CLASP1: variants seen among roughly 807,000 people sequenced by gnomAD.
CLASP1 encodes cytoplasmic linker associated protein 1.
A neutral mutation model predicts 192.3 loss-of-function variants in CLASP1; 38 were observed. The observed-to-expected ratio is 0.20, with a 90% CI of 0.15 to 0.26. The LOEUF is 0.26. CLASP1 is among the 10% of genes least tolerant of loss of function. The pLI is 1.00. For missense variants in CLASP1, 1,433 were observed against 1,932.5 expected (o/e 0.74, Z 4.85); for synonymous variants, 691 against 712.8 (o/e 0.97, Z 0.49).
At chr2:121,426,290 G>A (rs1356012172) in intron 21 of CLASP1, among the ~76,000 whole-genome samples, 1 of 151,930 alleles carries the variant, frequency 6.6e-6, no homozygotes, top group Admixed American at 6.6e-5. Context: ...GACAAAGAAG[G>A]ATATTTAATA....
intron 2 of CLASP1, among the ~76,000 whole-genome samples, chr2:121,591,541 A>G (rs543589687): frequency 9.2e-5 from 14 of 152,264 alleles, no homozygotes; most frequent in African/African-American, 3.4e-4. Context: ...AATCAGTACT[A>G]AATTCCTATA....
chr2:121,482,292 A>C (rs2092655538), intron 8 of CLASP1, among the ~76,000 whole-genome samples: 1 of 151,704 alleles, frequency 6.6e-6, no homozygotes, highest in Non-Finnish European at 1.5e-5. Flanking sequence ...GTGCCCCACT[A>C]CTCTGCGAGT....
intron 39 of CLASP1, among the ~76,000 whole-genome samples, chr2:121,346,642 T>G (rs1211644441): frequency 2.0e-5 from 3 of 152,216 alleles, no homozygotes. Flanking sequence ...AGGCTCAAGG[T>G]GAGAGCCAGC....
chr2:121,427,106 T>C (rs886301254), intron 21 of CLASP1, among the ~76,000 whole-genome samples: 3 of 152,054 alleles, frequency 2.0e-5, no homozygotes, highest in African/African-American at 7.2e-5. Context: ...CAAAAATTAA[T>C]AGTTTATAAT....
chr2:121,430,218 G>T, intron 19 of CLASP1, 41 bp from the exon 20 acceptor site: 3 of 1,437,568 alleles, frequency 2.1e-6, no homozygotes, highest in Non-Finnish European at 2.9e-6. Context: ...AACATTTCCA[G>T]TAAGTGCCAC....
At chr2:121,649,197 G>T (rs1023947678) in intron 1 of CLASP1, among the ~76,000 whole-genome samples, 175 bp downstream of exon 1, 1 of 151,998 alleles carries the variant, frequency 6.6e-6, no homozygotes, top group Non-Finnish European at 1.5e-5. Context: ...CTCGCATCCC[G>T]CTCCTCGCCA....
chr2:121,442,481 C>CTTTTTTTTTTTTTTTT lies in CLASP1; in HGVS notation c.1912+4855_1912+4856insAAAAAAAAAAAAAAAA, dbSNP rs761873166. ...TCAAACGTACTGCCTAAATTTCTTT[C>CTTTTTTTTTTTTTTTT]TTTTTTTTTTTTTGAGACGGAGTCT... On this transcript the variant is annotated intron_variant, in intron 19 of 39. Transcript: ENST00000263710. 1.4e-3 allele frequency among the ~76,000 whole-genome samples: 198 copies of CTTTTTTTTTTTTTTTT among 144,342 alleles called. 2 individuals carry two copies. Among genetic ancestry groups the CTTTTTTTTTTTTTTTT allele is most frequent in the African/African-American group, 4.5e-3 (178 of 39,608 alleles). 94.7% of individuals were successfully genotyped at this position (144,342 alleles called of 152,430 possible).
At chr2:121,531,993 A>G (rs2094904301) in intron 2 of CLASP1, among the ~76,000 whole-genome samples, 1 of 152,260 alleles carries the variant, frequency 6.6e-6, no homozygotes, top group South Asian at 2.1e-4. Context: ...TGCTTCCAAC[A>G]CAAAGCCGGG....
intron 14 of CLASP1, among the ~76,000 whole-genome samples, chr2:121,454,985 G>T (rs1362228656): frequency 6.6e-6 from 1 of 152,152 alleles, no homozygotes; most frequent in Non-Finnish European, 1.5e-5. Context: ...CGAGTAAGTG[G>T]GAGAGGAATG....
At chr2:121,561,200 C>T (rs560486671) in intron 2 of CLASP1, among the ~76,000 whole-genome samples, 2 of 152,328 alleles carry the variant, frequency 1.3e-5, no homozygotes, top group South Asian at 2.1e-4. Flanking sequence ...AGCCACCACA[C>T]GCAGCCCAAT....
chr2:121,508,683 C>T (rs1391660347), intron 7 of CLASP1, among the ~76,000 whole-genome samples: 1 of 152,124 alleles, frequency 6.6e-6, no homozygotes, highest in Admixed American at 6.5e-5. Flanking sequence ...TTAAGTCATC[C>T]TCCTGCCTCA....
chr2:121,379,725 G>A (rs935300437), intron 33 of CLASP1, among the ~76,000 whole-genome samples: 18 of 152,158 alleles, frequency 1.2e-4, no homozygotes, highest in Non-Finnish European at 1.5e-5. Context: ...TTTAAGGGAT[G>A]TCACAATATT....
intron 1 of CLASP1, among the ~76,000 whole-genome samples, chr2:121,630,125 G>A (rs1314170390): frequency 6.6e-6 from 1 of 151,892 alleles, no homozygotes; most frequent in Non-Finnish European, 1.5e-5. Flanking sequence ...TCACCATGTT[G>A]GCCAGGCTGG....
chr2:121,514,505 TA>T (rs1003135547), intron 7 of CLASP1, among the ~76,000 whole-genome samples: 269 of 142,150 alleles, frequency 1.9e-3, no homozygotes, highest in African/African-American at 5.2e-3. Context: ...CACAGGAACT[TA>T]AAAAAAAAAA....
At chr2:121,627,281 A>G (rs773512648) in intron 1 of CLASP1, among the ~76,000 whole-genome samples, 2 of 152,208 alleles carry the variant, frequency 1.3e-5, no homozygotes, top group Non-Finnish European at 2.9e-5. Context: ...ATTATTTCAC[A>G]ATAGGAAGTT....
intron 37 of CLASP1, among the ~76,000 whole-genome samples, chr2:121,352,511 C>T (rs571071418): frequency 6.6e-6 from 1 of 152,288 alleles, no homozygotes; most frequent in South Asian, 2.1e-4. Flanking sequence ...CTTTTTTACC[C>T]CGACAAAGGC....
At chr2:121,503,528 G>A (rs2093830777) in intron 7 of CLASP1, among the ~76,000 whole-genome samples, 1 of 152,170 alleles carries the variant, frequency 6.6e-6, no homozygotes, top group Non-Finnish European at 1.5e-5. Context: ...GTAATCCAGA[G>A]CCCCTGCTCT....
At chr2:121,577,170 G>T (rs1427864910) in intron 2 of CLASP1, among the ~76,000 whole-genome samples, 1 of 151,910 alleles carries the variant, frequency 6.6e-6, no homozygotes, top group South Asian at 2.1e-4. Context: ...GTTGAAGCTG[G>T]ATGATGAGTA....
chr2:121,398,435 G>T (rs2075645941), intron 28 of CLASP1, 35 bp from the exon 30 acceptor site: 3 of 1,358,358 alleles, frequency 2.2e-6, no homozygotes, highest in African/African-American at 1.5e-5. Flanking sequence ...TATTTTTAAA[G>T]AAATTTATTA....
Sources: allele counts gnomAD v4.1 joint callset (sites outside exome capture counted in the v4.1 genomes callset), GRCh38; gene constraint gnomAD v4.1.1; transcripts MANE v1.5; gene names NCBI Gene and HGNC (gene_info 2026-07-23, HGNC 2026-07-21).